ALMS1: variants seen among roughly 807,000 people sequenced by gnomAD.
ALMS1 encodes the protein centrosome-associated protein ALMS1.
ALMS1 carries 271 observed loss-of-function variants against 352.2 expected under a neutral mutation model. The ratio of observed to expected loss-of-function variants is 0.77; its 90% confidence interval spans 0.70 to 0.85. The LOEUF is 0.85. Ranked by LOEUF, ALMS1 falls within the 40% of genes least tolerant of loss-of-function variation. The probability of loss-of-function intolerance (pLI) is 0.00; values close to 1 mark genes in which losing one functional copy is unlikely to be tolerated. For missense variants in ALMS1, 5,445 were observed against 4,870.7 expected (o/e 1.12, Z -3.51); for synonymous variants, 1,865 against 1,761.2 (o/e 1.06, Z -1.48).
chr2:73,447,941 C>CA lies in ALMS1; in HGVS notation c.1433-16dup. 1 of 1,594,204 alleles carries CA rather than the reference C, an allele frequency of 6.3e-7. No homozygotes were observed. Among genetic ancestry groups the CA allele is most frequent in the Non-Finnish European group, 8.5e-7 (1 of 1,169,998 alleles). On this transcript the variant is annotated intron_variant, in intron 7 of 22. Coordinates refer to ENST00000613296, the MANE Select transcript of ALMS1 (RefSeq NM_001378454.1). ...AATAGAAAATTTTATATACTATTAA[C>CA]AAATCTCTTTTTCTTTAGGAGACAC...
Position 73,490,483 on chromosome 2 carries a change from C to T in ALMS1, c.8524C>T (p.His2842Tyr). The T allele has an allele frequency of 6.2e-7, 1 of 1,614,142 alleles. No homozygotes were observed. Among genetic ancestry groups the T allele is most frequent in the South Asian group, 1.1e-5 (1 of 91,086 alleles). ...NFKEIQISDN[H>Y]TLISMGRPSS... ...CAAGGAAATTCAGATTTCTGATAACCATACCCTTATTAGCATGGGCAGACC... is the reference window on the plus strand; with the variant it reads ...CAAGGAAATTCAGATTTCTGATAACTATACCCTTATTAGCATGGGCAGACC... Residue 2842 changes from histidine (H) to tyrosine (Y), a missense_variant, in exon 10 of 23, where the codon CAT becomes TAT. Transcript: ENST00000613296.
chr2:73,535,961 T>C (rs1052599468), intron 12 of ALMS1, among the ~76,000 whole-genome samples: 2 of 152,148 alleles, frequency 1.3e-5, no homozygotes, highest in African/African-American at 4.8e-5. Flanking sequence ...CCAAACTAGC[T>C]TCTGATAGTA....
rs1362417059 is a variant in ALMS1 at position 73,430,326 on chromosome 2, T to A, written c.1339-1872T>A. Among the ~76,000 whole-genome samples, 3 of 152,232 alleles carry A rather than the reference T, an allele frequency of 2.0e-5. No homozygotes were observed. In the South Asian group the frequency reaches 6.2e-4, roughly 31 times the overall value. ...CTCCTGACTTCGTGATCCGCCCGCCTCGGCCTCCCAGAGTGCTGGGATTAC... is the reference window on the plus strand; with the variant it reads ...CTCCTGACTTCGTGATCCGCCCGCCACGGCCTCCCAGAGTGCTGGGATTAC... On this transcript the variant is annotated intron_variant, in intron 6 of 22. Coordinates refer to ENST00000613296, the MANE Select transcript of ALMS1 (RefSeq NM_001378454.1).
rs759255714 is a variant in ALMS1, at chr2:73,408,640, C to T, written c.343C>T (p.His115Tyr). ...SLEKIVPLTC[H>Y]VWQQIVYQGN... The stretch of plus-strand genomic sequence containing the variant: ...TTTTCAGATTGTTCCATTGACCTGT[C>T]ATGTATGGCAACAGATAGTATATCA... Residue 115 changes from histidine to tyrosine, a missense_variant, in exon 2 of 23, where the codon CAT (histidine) becomes TAT (tyrosine). Transcript: ENST00000613296. 8.7e-6 allele frequency: 14 copies of T among 1,613,042 alleles called. No homozygotes were observed. In the South Asian group the frequency reaches 1.4e-4, roughly 16 times the overall value.
rs765235024 is a variant in ALMS1, at chr2:73,519,756, CT to C, written c.9540-16del. The C allele has an allele frequency of 3.7e-6, 6 of 1,613,694 alleles. No homozygotes were observed. The African/African-American group carries it at 8.0e-5, about 22-fold the overall frequency. On this transcript the variant is annotated intron_variant, in intron 10 of 22. Coordinates refer to ENST00000613296, the MANE Select transcript of ALMS1 (RefSeq NM_001378454.1). ...GGCCAAGGATATAATCTGCTGTATT[CT>C]TTCTCTTTTTTGGTCAGATTACCAG...
intron 5 of ALMS1, among the ~76,000 whole-genome samples, chr2:73,425,232 A>T (rs970491442): frequency 2.0e-5 from 3 of 152,206 alleles, no homozygotes; most frequent in Non-Finnish European, 4.4e-5. Context: ...GAAACAAAAG[A>T]TGGATTCTTT....
rs370406004 is a variant in ALMS1 at position 73,450,700 on chromosome 2, C to A, written c.4173C>A (p.Phe1391Leu). ...AACATACAGAGAAGCCGAGTATTTT[C>A]TACCAACAGTCGTTGCCAGGTAGTC... ...YSQHTEKPSI[F>L]YQQSLPGSHL... Residue 1391 changes from phenylalanine (F) to leucine (L), a missense_variant, in exon 8 of 23, where the codon TTC (phenylalanine) becomes TTA (leucine). Transcript: ENST00000613296. 8.3e-5 allele frequency: 134 copies of A among 1,613,278 alleles called. No individual in the cohort carries two copies. The highest frequency in any genetic ancestry group is 1.1e-4 in the Non-Finnish European group (131 of 1,179,666).
At chr2:73,411,612 C>T (rs545389808) in intron 2 of ALMS1, among the ~76,000 whole-genome samples, 51 of 152,240 alleles carry the variant, frequency 3.3e-4, no homozygotes, top group African/African-American at 1.2e-3. Context: ...CGCCTGGGTT[C>T]GTCAGAATAG....
At chr2:73,398,396 T>C (rs1052161210) in intron 1 of ALMS1, among the ~76,000 whole-genome samples, 2 of 152,202 alleles carry the variant, frequency 1.3e-5, no homozygotes, top group Non-Finnish European at 2.9e-5. Flanking sequence ...ATGGTAAGTC[T>C]TGAAGTTAGG....
intron 9 of ALMS1, among the ~76,000 whole-genome samples, chr2:73,482,315 T>C (rs1342572060): frequency 2.0e-5 from 3 of 152,228 alleles, no homozygotes; most frequent in Non-Finnish European, 4.4e-5. Context: ...CAAAGGCTTT[T>C]TCTGCATCTA....
At chr2:73,419,021 T>C in intron 2 of ALMS1, 102 bp from the exon 3 acceptor site, 1 of 950,692 alleles carries the variant, frequency 1.1e-6, no homozygotes, top group Non-Finnish European at 1.6e-6. Flanking sequence ...TGTCATTAAA[T>C]AGGAAGCTAT....
At chr2:73,402,268 CTCTT>C (rs1230311757) in intron 1 of ALMS1, among the ~76,000 whole-genome samples, 3 of 142,332 alleles carry the variant, frequency 2.1e-5, no homozygotes, top group African/African-American at 5.4e-5. Flanking sequence ...CTTTCTCTCT[CTCTT>C]TTTTTTTTTT....
intron 21 of ALMS1, among the ~76,000 whole-genome samples, chr2:73,607,227 A>G (rs1675835669): frequency 6.6e-6 from 1 of 152,200 alleles, no homozygotes; most frequent in Non-Finnish European, 1.5e-5. Flanking sequence ...ATTCAACATT[A>G]TGTTGTGAAC....
At chr2:73,418,070 A>G (rs1047987540) in intron 2 of ALMS1, among the ~76,000 whole-genome samples, 4 of 152,164 alleles carry the variant, frequency 2.6e-5, no homozygotes, top group South Asian at 2.1e-4. Flanking sequence ...TGTGTTTTAT[A>G]TCTTGGGCTT....
Position 73,559,153 on chromosome 2 carries a change from TG to T in ALMS1, c.10384+14del. On this transcript the variant is annotated intron_variant, in intron 15 of 22. Transcript: ENST00000613296. ...AGATCAATATTGAAGGTAATGGGAT[TG>T]GGTTGTGTATGAGTGTGTGTGTCTT... is the stretch of plus-strand genomic sequence containing the variant. 2 of 1,611,692 alleles carry T rather than the reference TG, an allele frequency of 1.2e-6. No individual in the cohort carries two copies. The highest frequency in any genetic ancestry group is 1.7e-6 in the Non-Finnish European group (2 of 1,178,700).
At chr2:73,569,446 T>G (rs1436868510) in intron 15 of ALMS1, among the ~76,000 whole-genome samples, 1 of 152,162 alleles carries the variant, frequency 6.6e-6, no homozygotes, top group Non-Finnish European at 1.5e-5. Flanking sequence ...TCCTTATTGT[T>G]TTACTTACTG....
intron 13 of ALMS1, 60 bp downstream of exon 13, chr2:73,550,497 A>G (rs1674406987): frequency 2.0e-5 from 31 of 1,579,692 alleles, no homozygotes; most frequent in Admixed American, 6.7e-5. Context: ...CCTAAATGAG[A>G]TTACTATCCA....
At chr2:73,538,470 C>T (rs922276997) in intron 12 of ALMS1, among the ~76,000 whole-genome samples, 1 of 152,130 alleles carries the variant, frequency 6.6e-6, no homozygotes, top group Non-Finnish European at 1.5e-5. Flanking sequence ...ATGCAGAAAA[C>T]GAATGATTTC....
At position 73,448,683 on chromosome 2, in the gene ALMS1, G is replaced by A. The variant is rs923816827; in HGVS notation, c.2156G>A (p.Arg719Lys). Residue 719 changes from arginine to lysine, a missense_variant, in exon 8 of 23, where the codon AGA (arginine) becomes AAA (lysine). Physicochemically the swap from Arg to Lys is conservative, Grantham distance 26. Coordinates refer to ENST00000613296, the MANE Select transcript of ALMS1 (RefSeq NM_001378454.1). ...ATVLSTPHSHREKPGIFYQQE... is the reference protein window; with the variant it reads ...ATVLSTPHSHKEKPGIFYQQE... Reference sequence around the variant, plus strand: ...GTACTCTCTACTCCCCACTCACATAGAGAGAAGCCTGGTATTTTTTACCAA... The same window carrying A: ...GTACTCTCTACTCCCCACTCACATAAAGAGAAGCCTGGTATTTTTTACCAA... The A allele has an allele frequency of 4.4e-6, 7 of 1,605,360 alleles. No individual in the cohort carries two copies. The highest frequency in any genetic ancestry group is 3.4e-5 in the Admixed American group (2 of 59,150).
Sources: gnomAD v4.1 joint callset for allele counts (sites outside exome capture counted in the v4.1 genomes callset) on GRCh38, gnomAD v4.1.1 for gene constraint, MANE v1.5 for transcripts, NCBI Gene and HGNC (gene_info 2026-07-23, HGNC 2026-07-21) for gene names.